GALNT2: variants seen among roughly 807,000 people sequenced by gnomAD.
The protein encoded by GALNT2 is UDP-GalNAc:polypeptide N-acetylgalactosaminyltransferase 2.
In GALNT2, 31 loss-of-function variants were observed where a neutral mutation model predicts 81.4. The observed-to-expected ratio is 0.38, with a 90% CI of 0.29 to 0.51. GALNT2 has a LOEUF of 0.51. GALNT2 is among the 20% of genes least tolerant of loss of function. The probability of loss-of-function intolerance (pLI) is 0.87; values close to 1 mark genes in which losing one functional copy is unlikely to be tolerated. For synonymous variants in GALNT2, 303 were observed against 287.4 expected (o/e 1.05, Z -0.55); for missense variants, 629 against 765.7 (o/e 0.82, Z 2.11).
intron 1 of GALNT2, among the ~76,000 whole-genome samples, chr1:230,107,265 A>G (rs1227395241): frequency 6.6e-6 from 1 of 152,198 alleles, no homozygotes; most frequent in Non-Finnish European, 1.5e-5. Context: ...GAGGGATTCT[A>G]CTGAGGGAAA....
At chr1:230,238,596 A>C (rs554145004) in intron 6 of GALNT2, among the ~76,000 whole-genome samples, 3 of 152,314 alleles carry the variant, frequency 2.0e-5, no homozygotes, top group South Asian at 2.1e-4. Context: ...TAATGAGATA[A>C]ATCTTTTTCT....
intron 3 of GALNT2, among the ~76,000 whole-genome samples, chr1:230,224,576 C>T (rs1664648486): frequency 6.6e-6 from 1 of 152,246 alleles, no homozygotes; most frequent in Non-Finnish European, 1.5e-5. Context: ...TTTATTCCAT[C>T]AAACAGTGGC....
chr1:230,237,065 C>T (rs1272195054), intron 6 of GALNT2, among the ~76,000 whole-genome samples: 2 of 152,234 alleles, frequency 1.3e-5, no homozygotes, highest in African/African-American at 4.8e-5. Context: ...AGTTGAATGA[C>T]TCCATGCTCC....
intron 1 of GALNT2, among the ~76,000 whole-genome samples, chr1:230,104,419 G>A (rs1394158917): frequency 1.3e-5 from 2 of 152,294 alleles, no homozygotes; most frequent in South Asian, 2.1e-4. Context: ...CTGTATTTTA[G>A]CCTGATAATC....
At chr1:230,106,135 A>C (rs950798883) in intron 1 of GALNT2, among the ~76,000 whole-genome samples, 6 of 152,188 alleles carry the variant, frequency 3.9e-5, no homozygotes, top group African/African-American at 1.2e-4. Flanking sequence ...TGCAGTGCAG[A>C]ATTTCCAGGC....
rs58544942 is a variant in GALNT2, at chr1:230,252,843, C to CTTTTTTTTTTTTTTTT, written c.1009+2290_1009+2305dup. 4.9e-4 allele frequency among the ~76,000 whole-genome samples: 39 copies of CTTTTTTTTTTTTTTTT among 78,952 alleles called. 4 individuals are homozygous for CTTTTTTTTTTTTTTTT. In the East Asian group the frequency reaches 5.7e-3, roughly 11 times the overall value. 51.8% of individuals were successfully genotyped at this position (78,952 alleles called of 152,430 possible). A position where few individuals can be genotyped will look rare whatever the true frequency, so the allele number is the denominator to read the frequency against. ...TTATTTTCTGAAATAGAGACAACTT[C>CTTTTTTTTTTTTTTTT]TTTTTTTTTTTTTTTTTTTTTTGAG... On this transcript the variant is annotated intron_variant, in intron 10 of 15. Transcript: ENST00000366672.
At chr1:230,112,375 G>A (rs1194370871) in intron 1 of GALNT2, among the ~76,000 whole-genome samples, 10 of 139,030 alleles carry the variant, frequency 7.2e-5, no homozygotes, top group African/African-American at 1.1e-4. Flanking sequence ...CTCCAGAGGC[G>A]CCGGGGGAGG....
chr1:230,122,302 T>G (rs1661040475), intron 1 of GALNT2, among the ~76,000 whole-genome samples: 2 of 152,190 alleles, frequency 1.3e-5, no homozygotes, highest in African/African-American at 4.8e-5. Flanking sequence ...AAAGAAAAGA[T>G]ATCGCTTTCC....
intron 13 of GALNT2, chr1:230,264,450 G>A (rs1330295047): frequency 6.6e-6 from 1 of 152,182 alleles, no homozygotes; most frequent in Non-Finnish European, 1.5e-5. Context: ...AGTGACACTG[G>A]GCCCCGCACC....
intron 3 of GALNT2, among the ~76,000 whole-genome samples, chr1:230,234,196 G>A (rs550358307): frequency 5.9e-5 from 9 of 152,158 alleles, no homozygotes; most frequent in South Asian, 2.1e-4. Context: ...CAAGACAATT[G>A]CACATCTTCT....
At chr1:230,097,230 A>G (rs1303835148) in intron 1 of GALNT2, among the ~76,000 whole-genome samples, 6 of 152,136 alleles carry the variant, frequency 3.9e-5, no homozygotes, top group African/African-American at 1.4e-4. Context: ...TGAGCCAAAT[A>G]TATTTCCTTA....
At chr1:230,244,519 C>T (rs974580143) in intron 7 of GALNT2, among the ~76,000 whole-genome samples, 59 of 150,396 alleles carry the variant, frequency 3.9e-4, no homozygotes, top group African/African-American at 1.4e-3. Flanking sequence ...GGCTACGCTC[C>T]GCCAGGCTGT....
chr1:230,073,255 C>G (rs1659430748), intron 1 of GALNT2, among the ~76,000 whole-genome samples: 1 of 152,186 alleles, frequency 6.6e-6, no homozygotes, highest in Non-Finnish European at 1.5e-5. Context: ...TACCTTGGCC[C>G]TGTGCTTGAT....
chr1:230,118,251 T>C (rs1571982187), intron 1 of GALNT2, among the ~76,000 whole-genome samples: 1 of 152,374 alleles, frequency 6.6e-6, no homozygotes, highest in Middle Eastern at 3.4e-3. Flanking sequence ...GTGTCCATCA[T>C]GACAAAGGAC....
intron 1 of GALNT2, among the ~76,000 whole-genome samples, chr1:230,118,711 C>T (rs887318302): frequency 5.9e-5 from 9 of 152,092 alleles, no homozygotes; most frequent in Admixed American, 3.3e-4. Flanking sequence ...CGTGGCTCCT[C>T]CCCGCACTGT....
At chr1:230,060,638 T>C (rs561619912) in intron 1 of GALNT2, among the ~76,000 whole-genome samples, 3 of 152,208 alleles carry the variant, frequency 2.0e-5, no homozygotes, top group Admixed American at 1.3e-4. Context: ...AAACTCTTCC[T>C]CCCCTAACCA....
chr1:230,212,309 A>C (rs1480548364), intron 3 of GALNT2, among the ~76,000 whole-genome samples: 1 of 152,164 alleles, frequency 6.6e-6, no homozygotes, highest in Admixed American at 6.5e-5. Flanking sequence ...GCCTGAATGC[A>C]CCTAAAAAAT....
intron 1 of GALNT2, among the ~76,000 whole-genome samples, chr1:230,110,887 C>G (rs1169562635): frequency 6.6e-6 from 1 of 152,010 alleles, no homozygotes; most frequent in Non-Finnish European, 1.5e-5. Context: ...ACTGACAGAC[C>G]ATGGGAGTTC....
chr1:230,250,428 C>T lies in GALNT2; in HGVS notation c.906-29C>T, dbSNP rs2273965. The T allele has an allele frequency of 0.082, 128,662 of 1,571,434 alleles. 14,333 individuals carry two copies. The highest frequency in any genetic ancestry group is 0.57 in the East Asian group (25,336 of 44,652). ...CTAACCTTGACTTTGCCCTCTCCTC[C>T]CTCCCCCCTCTTCTTTCTGCCTCTT... On this transcript the variant is annotated intron_variant, in intron 9 of 15. Coordinates refer to ENST00000366672, the MANE Select transcript of GALNT2 (RefSeq NM_004481.5).
Sources: gnomAD v4.1 joint callset for allele counts (sites outside exome capture counted in the v4.1 genomes callset) on GRCh38, gnomAD v4.1.1 for gene constraint, MANE v1.5 for transcripts, NCBI Gene and HGNC (gene_info 2026-07-23, HGNC 2026-07-21) for gene names.